Variants in CDH2 observed in about 807,000 individuals in gnomAD.
CDH2 encodes the protein cadherin 2.
Under a neutral mutation model 92.0 loss-of-function variants are expected in CDH2, and 17 were observed. The ratio of observed to expected loss-of-function variants is 0.18; its 90% CI spans 0.13 to 0.28. CDH2 has a LOEUF of 0.28. Ranked by LOEUF, CDH2 falls within the 10% of genes least tolerant of loss-of-function variation. CDH2 has a pLI of 1.00. For synonymous variants in CDH2, 419 were observed against 415.9 expected (o/e 1.01, Z -0.09); for missense variants, 862 against 1,133.1 (o/e 0.76, Z 3.44).
intron 4 of CDH2, among the ~76,000 whole-genome samples, chr18:28,010,346 C>G (rs553641178): frequency 9.3e-4 from 141 of 152,328 alleles, no homozygotes; most frequent in Non-Finnish European, 1.6e-3. Context: ...GAATGTCAGA[C>G]TTCTGTACTT....
At chr18:27,978,615 G>T (rs990945828) in intron 14 of CDH2, among the ~76,000 whole-genome samples, 1 of 150,824 alleles carries the variant, frequency 6.6e-6, no homozygotes, top group Non-Finnish European at 1.5e-5. Flanking sequence ...TGTAGTTGGG[G>T]GGGGGGATTC....
At chr18:28,101,829 GA>G in intron 2 of CDH2, among the ~76,000 whole-genome samples, 1 of 151,778 alleles carries the variant, frequency 6.6e-6, no homozygotes, top group East Asian at 1.9e-4. Flanking sequence ...ATATAAGAAA[GA>G]AAAAAACCAC....
intron 1 of CDH2, among the ~76,000 whole-genome samples, chr18:28,172,421 T>G (rs1003004060): frequency 5.9e-5 from 9 of 152,132 alleles, no homozygotes; most frequent in Admixed American, 2.0e-4. Flanking sequence ...GGTTGTTTAA[T>G]TAAAACTTAC....
chr18:27,967,377 C>G (rs1248148358), intron 14 of CDH2, among the ~76,000 whole-genome samples: 2 of 152,032 alleles, frequency 1.3e-5, no homozygotes, highest in South Asian at 2.1e-4. Flanking sequence ...CTTTACAATC[C>G]CATAATGATG....
chr18:28,044,882 A>C (rs2144114537), intron 2 of CDH2, among the ~76,000 whole-genome samples: 1 of 113,672 alleles, frequency 8.8e-6, no homozygotes, highest in African/African-American at 2.8e-5. Context: ...TGTGTGTGTA[A>C]ACAGGTCCTG....
At chr18:28,049,953 A>G (rs1309192290) in intron 2 of CDH2, among the ~76,000 whole-genome samples, 1 of 152,170 alleles carries the variant, frequency 6.6e-6, no homozygotes, top group African/African-American at 2.4e-5. Flanking sequence ...AACATCAGTA[A>G]ATGCTTGAAA....
intron 2 of CDH2, among the ~76,000 whole-genome samples, chr18:28,098,898 A>T (rs992015613): frequency 2.0e-5 from 3 of 152,132 alleles, no homozygotes; most frequent in African/African-American, 7.2e-5. Flanking sequence ...GTTACAAATA[A>T]GTCTCAAGGA....
chr18:28,140,671 G>GTTTCTAT (rs2015937536), intron 2 of CDH2, among the ~76,000 whole-genome samples: 1 of 151,634 alleles, frequency 6.6e-6, no homozygotes, highest in Non-Finnish European at 1.5e-5. Flanking sequence ...TGAGAAGTAA[G>GTTTCTAT]TTTCTATTGT....
At chr18:28,171,027 G>A (rs1457357374) in intron 1 of CDH2, among the ~76,000 whole-genome samples, 2 of 151,692 alleles carry the variant, frequency 1.3e-5, no homozygotes, top group East Asian at 1.9e-4. Context: ...TCAGGAGTTC[G>A]AGTCGAGACC....
chr18:27,954,024 G>C (rs8083279), intron 15 of CDH2, among the ~76,000 whole-genome samples: 2,620 of 152,118 alleles, frequency 0.017, 70 homozygotes, highest in African/African-American at 0.059. Context: ...TCATCTCCAG[G>C]TACCTCTTTA....
At chr18:28,024,162 A>G (rs1265720735) in intron 2 of CDH2, among the ~76,000 whole-genome samples, 1 of 152,172 alleles carries the variant, frequency 6.6e-6, no homozygotes, top group East Asian at 1.9e-4. Flanking sequence ...AAGTAGCTTC[A>G]CTTCATCACT....
chr18:27,943,122 A>G (rs1909184563), intron 6 of CDH2, among the ~76,000 whole-genome samples: 1 of 152,206 alleles, frequency 6.6e-6, no homozygotes, highest in African/African-American at 2.4e-5. Flanking sequence ...ATTTAGGTAT[A>G]TAAATATTTG....
intron 1 of CDH2, 88 bp downstream of exon 1, chr18:28,176,875 C>T (rs1011678246): frequency 8.5e-6 from 6 of 704,628 alleles, no homozygotes; most frequent in Non-Finnish European, 1.1e-5. Flanking sequence ...GTGCGCAGCC[C>T]GGCCCCGCAG....
intron 2 of CDH2, among the ~76,000 whole-genome samples, chr18:28,098,438 GATT>G (rs1377058413): frequency 6.6e-6 from 1 of 152,128 alleles, no homozygotes; most frequent in Non-Finnish European, 1.5e-5. Context: ...CTGGTCACAA[GATT>G]TTCATCAACT....
At chr18:27,990,525 T>G (rs535790549) in intron 9 of CDH2, among the ~76,000 whole-genome samples, 175 bp from the exon 10 acceptor site, 2 of 152,342 alleles carry the variant, frequency 1.3e-5, no homozygotes, top group South Asian at 2.1e-4. Flanking sequence ...TCAAAATATT[T>G]ATCCCAATTT....
chr18:27,958,707 A>G (rs536685196), intron 15 of CDH2, among the ~76,000 whole-genome samples: 1 of 152,272 alleles, frequency 6.6e-6, no homozygotes, highest in East Asian at 1.9e-4. Context: ...CTCATCTTGA[A>G]TTGTAGTTCC....
intron 1 of CDH2, among the ~76,000 whole-genome samples, chr18:28,174,980 T>A (rs971931106): frequency 2.6e-5 from 4 of 152,206 alleles, no homozygotes; most frequent in African/African-American, 9.6e-5. Flanking sequence ...AAAATCCTAA[T>A]ACACAGGAGT....
At chr18:28,003,206 T>C (rs1308597665) in intron 6 of CDH2, 37 bp from the exon 7 acceptor site, 3 of 1,537,662 alleles carry the variant, frequency 2.0e-6, no homozygotes, top group Non-Finnish European at 2.7e-6. Flanking sequence ...ATGGTTACCC[T>C]TCATTCCAGG....
At chr18:28,016,917 T>C (rs1197784361) in intron 2 of CDH2, among the ~76,000 whole-genome samples, 6 of 152,202 alleles carry the variant, frequency 3.9e-5, no homozygotes, top group Non-Finnish European at 7.3e-5. Flanking sequence ...ATATGGTGTA[T>C]CACATTTATT....
Sources: gnomAD v4.1 joint callset for allele counts (sites outside exome capture counted in the v4.1 genomes callset) on GRCh38, gnomAD v4.1.1 for gene constraint, MANE v1.5 for transcripts, NCBI Gene and HGNC (gene_info 2026-07-23, HGNC 2026-07-21) for gene names.